The following CNGB3 variants were observed in gnomAD, a reference collection of about 807,000 sequenced individuals.
CNGB3 encodes the protein cyclic nucleotide-gated channel beta-3.
Under a neutral mutation model 92.8 loss-of-function variants are expected in CNGB3, and 86 were observed. That is an observed-to-expected ratio of 0.93 (90% confidence interval 0.78 to 1.11). The LOEUF (loss-of-function observed/expected upper bound fraction) is 1.11. Ranked by LOEUF, CNGB3 falls within the 50% of genes least tolerant of loss-of-function variation. CNGB3 has a pLI of 0.00. For missense variants in CNGB3, 1,026 were observed against 956.8 expected, an observed-to-expected ratio of 1.07 and a Z score of -0.95; for synonymous variants, 333 against 332.7, an observed-to-expected ratio of 1.00 and a Z score of -0.01.
At chr8:86,656,808 C>A (rs1353983098) in intron 6 of CNGB3, among the ~76,000 whole-genome samples, 6 of 152,040 alleles carry the variant, frequency 3.9e-5, no homozygotes, top group East Asian at 1.9e-4. Flanking sequence ...GCACCATGAC[C>A]CCATCCTTGC....
intron 10 of CNGB3, 133 bp from the exon 11 acceptor site, chr8:86,633,026 T>A: frequency 1.3e-6 from 1 of 774,744 alleles, no homozygotes; most frequent in South Asian, 1.7e-5. Flanking sequence ...TAGACAGCAC[T>A]GGCAAACAGC....
rs1554618958 is a variant in CNGB3, at chr8:86,735,042, G to GGTTTTTTT, written c.211+4612_211+4613insAAAAAAAC. Among the ~76,000 whole-genome samples the GGTTTTTTT allele has an allele frequency of 4.7e-3, 407 of 85,858 alleles. 69 individuals are homozygous for GGTTTTTTT. Among genetic ancestry groups the GGTTTTTTT allele is most frequent in the South Asian group, 8.0e-3 (20 of 2,488 alleles). The allele number at this position is 85,858 out of a possible 152,430, so 56.3% of individuals were successfully genotyped here. A position where few individuals can be genotyped will look rare whatever the true frequency, so the allele number is the denominator to read the frequency against. On this transcript the variant is annotated intron_variant, in intron 2 of 17. Coordinates refer to ENST00000320005, the MANE Select transcript of CNGB3 (RefSeq NM_019098.5). The stretch of plus-strand genomic sequence containing the variant: ...CATGTCAAATTCTCAAATGCCGGTG[G>GGTTTTTTT]TTTTTTTTTTTTTTTTTTTTTTTTT...
At chr8:86,665,766 G>C (rs956511430) in intron 6 of CNGB3, among the ~76,000 whole-genome samples, 6 of 152,142 alleles carry the variant, frequency 3.9e-5, no homozygotes, top group African/African-American at 1.4e-4. Context: ...GGGAGGAAGT[G>C]GGGGAGGGCA....
chr8:86,590,704 G>T (rs1350237093), intron 15 of CNGB3, among the ~76,000 whole-genome samples: 1 of 145,518 alleles, frequency 6.9e-6, no homozygotes, highest in Non-Finnish European at 1.5e-5. Context: ...TCTGCTGAGA[G>T]ATCCGCTGTT....
intron 3 of CNGB3, among the ~76,000 whole-genome samples, chr8:86,708,408 A>C (rs1267115151): frequency 3.3e-5 from 5 of 152,178 alleles, no homozygotes; most frequent in Admixed American, 3.3e-4. Flanking sequence ...ATAAAGCAGA[A>C]CTGAGCAATG....
intron 15 of CNGB3, among the ~76,000 whole-genome samples, chr8:86,594,999 G>A (rs962344735): frequency 1.3e-5 from 2 of 152,204 alleles, no homozygotes; most frequent in African/African-American, 4.8e-5. Flanking sequence ...TGGGATTACA[G>A]GCGTGAGCCA....
In CNGB3 at chr8:86,645,681, T is replaced by C. The variant is rs541390601; in HGVS notation, c.991-995A>G. On this transcript the variant is annotated intron_variant, in intron 8 of 17. Transcript: ENST00000320005. Reference sequence around the variant, plus strand: ...ATAGTAATGACTATTTAACTAGAAATATACACAAATGATTTGTTTTTTCCA... The same window carrying C: ...ATAGTAATGACTATTTAACTAGAAACATACACAAATGATTTGTTTTTTCCA... Among the ~76,000 whole-genome samples, 4 of 151,410 alleles carry C rather than the reference T, an allele frequency of 2.6e-5. No individual in the cohort carries two copies. In the South Asian group the frequency reaches 8.3e-4, roughly 31 times the overall value.
intron 15 of CNGB3, 97 bp from the exon 16 acceptor site, chr8:86,579,349 C>A (rs193029880): frequency 1.5e-6 from 2 of 1,378,928 alleles, no homozygotes; most frequent in East Asian, 2.3e-5. Flanking sequence ...ATTTATACTG[C>A]TTCAGAAATC....
At chr8:86,591,566 C>T (rs1394155271) in intron 15 of CNGB3, among the ~76,000 whole-genome samples, 1 of 151,682 alleles carries the variant, frequency 6.6e-6, no homozygotes, top group East Asian at 1.9e-4. Context: ...ACAGACAGGA[C>T]CCTCAGCTGC....
chr8:86,593,018 A>G (rs1344705989), intron 15 of CNGB3, among the ~76,000 whole-genome samples: 7 of 152,250 alleles, frequency 4.6e-5, no homozygotes, highest in Non-Finnish European at 8.8e-5. Context: ...TGATCTTTGC[A>G]GATACTTTGA....
At chr8:86,616,770 T>C (rs1822629904) in intron 13 of CNGB3, among the ~76,000 whole-genome samples, 1 of 152,228 alleles carries the variant, frequency 6.6e-6, no homozygotes, top group African/African-American at 2.4e-5. Flanking sequence ...TTAATGAATA[T>C]ATGGTCATCA....
At position 86,657,496 on chromosome 8, in the gene CNGB3, C is replaced by T. The variant is rs537995168; in HGVS notation, c.853-3434G>A. ...GGTTCTGCATCTCAGGAAGCAGTTGCATAATCTGCTGTGCAGTGGGATTGT... is the reference window on the plus strand; with the variant it reads ...GGTTCTGCATCTCAGGAAGCAGTTGTATAATCTGCTGTGCAGTGGGATTGT... On this transcript the variant is annotated intron_variant, in intron 6 of 17. Transcript: ENST00000320005. 4 of 513,112 alleles carry T rather than the reference C, an allele frequency of 7.8e-6. No homozygotes were observed. In the East Asian group the frequency reaches 2.2e-4, roughly 29 times the overall value. 31.8% of individuals were successfully genotyped at this position (513,112 alleles called of 1,614,324 possible).
chr8:86,671,684 C>T (rs1823864762), intron 3 of CNGB3, among the ~76,000 whole-genome samples: 3 of 152,180 alleles, frequency 2.0e-5, no homozygotes, highest in Admixed American at 2.0e-4. Flanking sequence ...AGAGGGTCAC[C>T]TGGTTAGAAT....
intron 13 of CNGB3, among the ~76,000 whole-genome samples, chr8:86,624,614 G>A (rs562298562): frequency 3.3e-5 from 5 of 151,996 alleles, no homozygotes; most frequent in African/African-American, 7.2e-5. Flanking sequence ...CCATCCTCCC[G>A]TAATATTCCC....
At chr8:86,619,814 G>A (rs1367075636) in intron 13 of CNGB3, among the ~76,000 whole-genome samples, 1 of 140,154 alleles carries the variant, frequency 7.1e-6, no homozygotes, top group Non-Finnish European at 1.5e-5. Flanking sequence ...GCTCACTGCA[G>A]CCTCAACCTC....
chr8:86,584,671 A>G (rs151212146), intron 15 of CNGB3, among the ~76,000 whole-genome samples: 21 of 152,160 alleles, frequency 1.4e-4, no homozygotes, highest in Admixed American at 5.9e-4. Flanking sequence ...CCCCACATAG[A>G]GTTTCTGAAA....
chr8:86,718,640 T>C (rs997274760), intron 3 of CNGB3, among the ~76,000 whole-genome samples: 13 of 152,002 alleles, frequency 8.6e-5, no homozygotes, highest in African/African-American at 2.9e-4. Flanking sequence ...AGGACAGAGA[T>C]AAAGGGAATT....
intron 14 of CNGB3, among the ~76,000 whole-genome samples, chr8:86,609,050 A>G (rs994284754): frequency 3.9e-4 from 59 of 151,990 alleles, no homozygotes; most frequent in African/African-American, 1.4e-3. Context: ...TCTCCCACCT[A>G]CTTAATTCCT....
In CNGB3 at chr8:86,644,482, A is replaced by G; in HGVS notation, c.1055+140T>C. 3.8e-6 allele frequency: 4 copies of G among 1,055,472 alleles called. No individual in the cohort carries two copies. In the South Asian group the frequency reaches 7.1e-5, roughly 19 times the overall value. The allele number at this position is 1,055,472 out of a possible 1,614,324, so 65.4% of individuals were successfully genotyped here. On this transcript the variant is annotated intron_variant, in intron 9 of 17. Coordinates refer to ENST00000320005, the MANE Select transcript of CNGB3 (RefSeq NM_019098.5). ...AAAATATCCACATCTGTTCTAGAAC[A>G]TAGTCCTATATTTTATATAGCCAAA...
Sources: allele counts gnomAD v4.1 joint callset (sites outside exome capture counted in the v4.1 genomes callset), GRCh38; gene constraint gnomAD v4.1.1; transcripts MANE v1.5; gene names NCBI Gene and HGNC (gene_info 2026-07-23, HGNC 2026-07-21).